The following SLC25A21 variants were observed in gnomAD, a reference collection of about 807,000 sequenced individuals.
SLC25A21 encodes the protein mitochondrial 2-oxodicarboxylate carrier.
A neutral mutation model predicts 43.8 loss-of-function variants in SLC25A21; 47 were observed. The observed-to-expected ratio is 1.07, with a 90% CI of 0.85 to 1.37. The LOEUF is 1.37. Ranked by LOEUF, SLC25A21 falls within the 40% of genes most tolerant of loss-of-function variation. SLC25A21 has a pLI of 0.00. For synonymous variants in SLC25A21, 131 were observed against 121.3 expected, an observed-to-expected ratio of 1.08 and a Z score of -0.52; for missense variants, 352 against 350.2, an observed-to-expected ratio of 1.00 and a Z score of -0.04.
At chr14:36,814,342 G>A (rs1199857401) in intron 2 of SLC25A21, among the ~76,000 whole-genome samples, 1 of 147,308 alleles carries the variant, frequency 6.8e-6, no homozygotes, top group Non-Finnish European at 1.5e-5. Context: ...GAATTCTGAA[G>A]ATGCATATGA....
rs183451600 is a variant in SLC25A21, at chr14:36,700,914, T to C, written c.603+10404A>G. On this transcript the variant is annotated intron_variant, in intron 7 of 9. Coordinates refer to ENST00000331299, the MANE Select transcript of SLC25A21 (RefSeq NM_030631.4). ...TGCCCACAGCTGGGTATGGTGGTCA[T>C]GAAAATGATGTGGTGCATTGGAATC... 9.9e-4 allele frequency among the ~76,000 whole-genome samples: 151 copies of C among 152,310 alleles called. 1 individual carries two copies. Among genetic ancestry groups the C allele is most frequent in the African/African-American group, 3.5e-3 (147 of 41,568 alleles).
At chr14:36,858,415 T>C (rs1392997191) in intron 2 of SLC25A21, among the ~76,000 whole-genome samples, 1 of 152,194 alleles carries the variant, frequency 6.6e-6, no homozygotes, top group Admixed American at 6.5e-5. Flanking sequence ...GAAAATATTT[T>C]TTGAAACATC....
At chr14:36,950,815 A>C (rs1892791569) in intron 1 of SLC25A21, among the ~76,000 whole-genome samples, 1 of 152,194 alleles carries the variant, frequency 6.6e-6, no homozygotes, top group South Asian at 2.1e-4. Context: ...TGACATTCTT[A>C]TTGCACGGGA....
At chr14:36,956,381 C>T (rs143736142) in intron 1 of SLC25A21, among the ~76,000 whole-genome samples, 222 of 152,176 alleles carry the variant, frequency 1.5e-3, no homozygotes, top group African/African-American at 4.1e-3. Flanking sequence ...TAAAACCTCT[C>T]GTAGAAATGG....
At chr14:36,740,519 T>G (rs148179356) in intron 3 of SLC25A21, among the ~76,000 whole-genome samples, 555 of 152,276 alleles carry the variant, frequency 3.6e-3, no homozygotes, top group Middle Eastern at 0.01. Flanking sequence ...AAAATGAAGA[T>G]CAAAAACTAC....
intron 1 of SLC25A21, among the ~76,000 whole-genome samples, chr14:36,920,527 T>C (rs2138623586): frequency 6.6e-6 from 1 of 152,148 alleles, no homozygotes; most frequent in East Asian, 1.9e-4. Context: ...TTAAAAATAT[T>C]GGGCCATTGC....
chr14:37,139,090 T>G (rs1216994242), intron 1 of SLC25A21, among the ~76,000 whole-genome samples: 1 of 152,084 alleles, frequency 6.6e-6, no homozygotes, highest in African/African-American at 2.4e-5. Flanking sequence ...CCATCACAAA[T>G]CATTGATTAG....
chr14:36,705,445 T>C lies in SLC25A21; in HGVS notation c.603+5873A>G, dbSNP rs185977984. Among the ~76,000 whole-genome samples, 146 of 152,322 alleles carry C rather than the reference T, an allele frequency of 9.6e-4. 1 individual carries two copies. Among genetic ancestry groups the C allele is most frequent in the African/African-American group, 3.3e-3 (139 of 41,584 alleles). On this transcript the variant is annotated intron_variant, in intron 7 of 9. Coordinates refer to ENST00000331299, the MANE Select transcript of SLC25A21 (RefSeq NM_030631.4). ...GGTGATCTATTTTATGAGGTTCTGC[T>C]ACATTTTTCAGTGATTTACTTCCTA... is the stretch of plus-strand genomic sequence containing the variant.
intron 1 of SLC25A21, among the ~76,000 whole-genome samples, chr14:37,043,897 G>A (rs1181396180): frequency 3.3e-5 from 5 of 149,552 alleles, no homozygotes; most frequent in Non-Finnish European, 5.9e-5. Context: ...ATCATGTCTG[G>A]CTACATTTTT....
intron 2 of SLC25A21, among the ~76,000 whole-genome samples, chr14:36,821,167 A>G (rs1450669909): frequency 6.6e-6 from 1 of 152,164 alleles, no homozygotes; most frequent in African/African-American, 2.4e-5. Flanking sequence ...CAAAGACCCT[A>G]GAAAGCACAT....
intron 1 of SLC25A21, among the ~76,000 whole-genome samples, chr14:36,957,209 A>C (rs1959364000): frequency 6.6e-6 from 1 of 152,066 alleles, no homozygotes; most frequent in African/African-American, 2.4e-5. Context: ...TTTCTCTCTC[A>C]TTCCTGGGCC....
chr14:36,803,070 C>T (rs17105378), intron 3 of SLC25A21, among the ~76,000 whole-genome samples: 2 of 152,134 alleles, frequency 1.3e-5, no homozygotes, highest in Non-Finnish European at 2.9e-5. Flanking sequence ...ATTGTCAAAT[C>T]ATTGTAAAGA....
intron 7 of SLC25A21, 100 bp downstream of exon 7, chr14:36,711,218 T>C (rs1174385032): frequency 6.9e-6 from 7 of 1,017,780 alleles, no homozygotes; most frequent in Non-Finnish European, 1.0e-5. Flanking sequence ...TAGATGTAGG[T>C]GTCCAGCACA....
intron 1 of SLC25A21, among the ~76,000 whole-genome samples, chr14:37,095,140 TTGTC>T (rs1962662310): frequency 6.6e-6 from 1 of 152,226 alleles, no homozygotes. Flanking sequence ...AGTGGGAATT[TTGTC>T]TGTTTTGATC....
intron 2 of SLC25A21, among the ~76,000 whole-genome samples, chr14:36,852,306 C>A (rs1457748554): frequency 6.6e-6 from 1 of 152,190 alleles, no homozygotes; most frequent in Non-Finnish European, 1.5e-5. Flanking sequence ...AGCCTCTAAA[C>A]CTGCTTCCTG....
chr14:36,908,509 C>T (rs1438999002), intron 1 of SLC25A21, among the ~76,000 whole-genome samples: 2 of 152,206 alleles, frequency 1.3e-5, no homozygotes, highest in Non-Finnish European at 2.9e-5. Context: ...TTTTATTATG[C>T]ACCGCACTAT....
intron 1 of SLC25A21, among the ~76,000 whole-genome samples, chr14:37,016,474 C>T (rs1009883858): frequency 2.6e-5 from 4 of 152,010 alleles, no homozygotes; most frequent in Non-Finnish European, 5.9e-5. Context: ...AGTCAGGTAG[C>T]GTGATGCCTC....
At chr14:36,718,742 C>G (rs1015151784) in intron 6 of SLC25A21, among the ~76,000 whole-genome samples, 1 of 152,140 alleles carries the variant, frequency 6.6e-6, no homozygotes, top group East Asian at 1.9e-4. Context: ...TAGAACCAAA[C>G]CCTGAGCTAA....
chr14:37,012,255 T>C lies in SLC25A21; in HGVS notation c.71-137251A>G, dbSNP rs552770395. 3.9e-5 allele frequency among the ~76,000 whole-genome samples: 6 copies of C among 152,338 alleles called. No individual in the cohort carries two copies. The East Asian group carries it at 1.2e-3, about 29-fold the overall frequency. On this transcript the variant is annotated intron_variant, in intron 1 of 9. Transcript: ENST00000331299. Reference sequence around the variant, plus strand: ...ATGTAGTCTATATAATAAAAATTGTTCTAAAATTTAGGAATAAAGGTTTAA... The same window carrying C: ...ATGTAGTCTATATAATAAAAATTGTCCTAAAATTTAGGAATAAAGGTTTAA...
Sources: allele counts gnomAD v4.1 joint callset (sites outside exome capture counted in the v4.1 genomes callset), GRCh38; gene constraint gnomAD v4.1.1; transcripts MANE v1.5; gene names NCBI Gene and HGNC (gene_info 2026-07-23, HGNC 2026-07-21).